CA10: variants seen among roughly 807,000 people sequenced by gnomAD.
CA10 encodes carbonic anhydrase 10 (inactive), also known as carbonic anhydrase-related protein 10.
CA10 carries 14 observed loss-of-function variants against 44.2 expected under a neutral mutation model. The ratio of observed to expected loss-of-function variants is 0.32; its 90% CI spans 0.21 to 0.50. The LOEUF is 0.50. CA10 is among the 20% of genes least tolerant of loss of function. The pLI is 0.99. For missense variants in CA10, 350 were observed against 409.7 expected, an observed-to-expected ratio of 0.85 and a Z score of 1.26; for synonymous variants, 159 against 141.6, an observed-to-expected ratio of 1.12 and a Z score of -0.87.
chr17:51,927,073 C>T (rs768836002), intron 3 of CA10, among the ~76,000 whole-genome samples: 38 of 152,154 alleles, frequency 2.5e-4, no homozygotes, highest in Non-Finnish European at 4.6e-4. Context: ...TAGATCCTAC[C>T]TTCTATACTT....
chr17:52,114,044 T>C (rs1238166947), intron 1 of CA10, among the ~76,000 whole-genome samples: 6 of 152,166 alleles, frequency 3.9e-5, no homozygotes, highest in Non-Finnish European at 8.8e-5. Flanking sequence ...AATATCAGAG[T>C]AGCCTCCCCA....
chr17:51,765,345 A>T (rs1055730909), intron 3 of CA10, among the ~76,000 whole-genome samples: 3 of 152,194 alleles, frequency 2.0e-5, no homozygotes, highest in African/African-American at 4.8e-5. Context: ...CTTCCTGGCT[A>T]ATGAGCCCAA....
chr17:51,730,245 G>A (rs1039296952), intron 4 of CA10, among the ~76,000 whole-genome samples: 1 of 152,154 alleles, frequency 6.6e-6, no homozygotes, highest in Non-Finnish European at 1.5e-5. Flanking sequence ...CACACAGTAG[G>A]AACTCAAATA....
chr17:51,849,564 T>C (rs1004915827), intron 3 of CA10, among the ~76,000 whole-genome samples: 1 of 152,096 alleles, frequency 6.6e-6, no homozygotes, highest in Non-Finnish European at 1.5e-5. Flanking sequence ...TTGGTCAATG[T>C]ATTTAATCTT....
chr17:51,761,031 C>T (rs995886259), intron 3 of CA10, among the ~76,000 whole-genome samples: 1 of 152,160 alleles, frequency 6.6e-6, no homozygotes, highest in Non-Finnish European at 1.5e-5. Context: ...GGCTGCCATA[C>T]TGGAAGTGCA....
intron 2 of CA10, among the ~76,000 whole-genome samples, chr17:51,969,567 C>A (rs562132414): frequency 2.0e-5 from 3 of 152,010 alleles, no homozygotes; most frequent in Non-Finnish European, 4.4e-5. Flanking sequence ...CCCTCTAGAA[C>A]GTCTTCCCTA....
chr17:51,931,201 G>T, intron 2 of CA10, 69 bp from the exon 3 acceptor site: 1 of 1,478,884 alleles, frequency 6.8e-7, no homozygotes, highest in Non-Finnish European at 9.4e-7. Flanking sequence ...AATAAACAGA[G>T]CTATGTACAA....
At chr17:51,970,175 C>G (rs761344694) in intron 2 of CA10, among the ~76,000 whole-genome samples, 17 of 152,172 alleles carry the variant, frequency 1.1e-4, no homozygotes, top group South Asian at 1.0e-3. Flanking sequence ...GCTACCCAAG[C>G]TAAGTCTTTA....
intron 1 of CA10, among the ~76,000 whole-genome samples, chr17:52,100,360 G>T (rs746123752): frequency 6.6e-6 from 1 of 152,074 alleles, no homozygotes; most frequent in African/African-American, 2.4e-5. Context: ...CAGTGAAAAG[G>T]TATAGGAGTT....
intron 2 of CA10, among the ~76,000 whole-genome samples, chr17:51,998,183 TC>T (rs1218666653): frequency 6.6e-6 from 1 of 152,084 alleles, no homozygotes; most frequent in African/African-American, 2.4e-5. Flanking sequence ...CAGAACCATG[TC>T]CTTTGTTCAC....
chr17:51,988,577 C>T (rs79848997), intron 2 of CA10, among the ~76,000 whole-genome samples: 5,986 of 151,842 alleles, frequency 0.039, 305 homozygotes, highest in African/African-American at 0.12. Context: ...AGTAAATATG[C>T]AACACTGTTG....
intron 3 of CA10, among the ~76,000 whole-genome samples, chr17:51,835,238 C>T (rs999727957): frequency 2.0e-5 from 3 of 152,108 alleles, no homozygotes; most frequent in South Asian, 4.2e-4. Context: ...CCACAGAGAG[C>T]GATACATGCT....
chr17:51,667,365 G>T (rs1010838411), intron 4 of CA10, among the ~76,000 whole-genome samples: 2 of 152,094 alleles, frequency 1.3e-5, no homozygotes, highest in Non-Finnish European at 2.9e-5. Flanking sequence ...TAGAACCTTT[G>T]CACCACTCCC....
chr17:51,653,778 A>T, intron 4 of CA10, 42 bp from the exon 5 acceptor site: 1 of 1,178,950 alleles, frequency 8.5e-7, no homozygotes, highest in Non-Finnish European at 1.3e-6. Flanking sequence ...ATAATCCAAC[A>T]TTAAAAGGTA....
chr17:51,892,521 C>A (rs567602804), intron 3 of CA10, among the ~76,000 whole-genome samples: 14 of 152,270 alleles, frequency 9.2e-5, no homozygotes, highest in African/African-American at 2.9e-4. Flanking sequence ...CACATAAATT[C>A]TCTGGCTTTC....
chr17:51,940,647 T>C (rs1171353874), intron 2 of CA10, among the ~76,000 whole-genome samples: 2 of 149,152 alleles, frequency 1.3e-5, no homozygotes, highest in Non-Finnish European at 3.0e-5. Flanking sequence ...ATCTGAGACA[T>C]AGAGACGTCA....
intron 6 of CA10, among the ~76,000 whole-genome samples, chr17:51,640,660 C>T (rs1488458520): frequency 6.6e-6 from 1 of 152,146 alleles, no homozygotes; most frequent in East Asian, 1.9e-4. Context: ...TTTGATAGGA[C>T]AGAAGCAGAG....
chr17:52,052,765 T>C (rs888609609), intron 2 of CA10, among the ~76,000 whole-genome samples: 2 of 152,106 alleles, frequency 1.3e-5, no homozygotes, highest in African/African-American at 4.8e-5. Context: ...CAGAAGCAGC[T>C]TACATAGGGC....
intron 2 of CA10, among the ~76,000 whole-genome samples, chr17:52,063,506 T>C (rs563210613): frequency 1.3e-5 from 2 of 152,316 alleles, no homozygotes; most frequent in South Asian, 2.1e-4. Context: ...GTTTGGGTCA[T>C]AGAGGCAGAT....
Sources: allele counts gnomAD v4.1 joint callset (sites outside exome capture counted in the v4.1 genomes callset), GRCh38; gene constraint gnomAD v4.1.1; transcripts MANE v1.5; gene names NCBI Gene and HGNC (gene_info 2026-07-23, HGNC 2026-07-21).